CHST11: variants seen among roughly 807,000 people sequenced by gnomAD.
CHST11 encodes C4S-1.
A neutral mutation model predicts 30.4 loss-of-function variants in CHST11; 9 were observed. That is an observed-to-expected ratio of 0.30 (90% CI 0.18 to 0.52). The LOEUF is 0.52. CHST11 is among the 20% of genes least tolerant of loss of function. The probability of loss-of-function intolerance (pLI) is 0.97; values close to 1 mark genes in which losing one functional copy is unlikely to be tolerated. For synonymous variants in CHST11, 152 were observed against 187.8 expected (o/e 0.81, Z 1.56); for missense variants, 348 against 460.6 (o/e 0.76, Z 2.24).
intron 2 of CHST11, among the ~76,000 whole-genome samples, chr12:104,677,907 C>G (rs893032307): frequency 6.6e-6 from 1 of 152,242 alleles, no homozygotes; most frequent in African/African-American, 2.4e-5. Context: ...ACAGGTTCCA[C>G]CAAAGGACTT....
chr12:104,757,967 G>A lies in CHST11; in HGVS notation c.*164G>A. 1 of 763,950 alleles carries A rather than the reference G, an allele frequency of 1.3e-6. No individual in the cohort carries two copies. The highest frequency in any genetic ancestry group is 1.9e-5 in the South Asian group (1 of 51,744). The allele number at this position is 763,950 out of a possible 1,614,324, so 47.3% of individuals were successfully genotyped here. On this transcript the variant is annotated 3_prime_UTR_variant, in exon 3 of 3. Transcript: ENST00000303694. This position sits in a 1 kb window ranked among gnomAD's most constrained non-coding sequence, Gnocchi z 6.5. ...TTAAAATCCTTCGTAGGGAAGGACA[G>A]CTGTCTTTGCAGGGGAAATAGGATG...
rs143083008 is a variant in CHST11, at chr12:104,705,411, C to T, written c.205-51538C>T. ...AGGGGTCGCAGGTATGTAAAGGGCT[C>T]AGCACATCCCAGGCGCCTGGTAAAT... is the stretch of plus-strand genomic sequence containing the variant. On this transcript the variant is annotated intron_variant, in intron 2 of 2. Transcript: ENST00000303694. Among the ~76,000 whole-genome samples, 38 of 152,228 alleles carry T rather than the reference C, an allele frequency of 2.5e-4. No homozygotes were observed. In the East Asian group the frequency reaches 6.8e-3, roughly 27 times the overall value.
intron 1 of CHST11, among the ~76,000 whole-genome samples, chr12:104,483,453 G>T (rs528368928): frequency 6.6e-6 from 1 of 152,300 alleles, no homozygotes; most frequent in South Asian, 2.1e-4. Context: ...TGATCGGCCT[G>T]CCTCGGCCTC....
chr12:104,572,889 A>C (rs886809027), intron 1 of CHST11, among the ~76,000 whole-genome samples: 18 of 152,226 alleles, frequency 1.2e-4, no homozygotes, highest in African/African-American at 3.6e-4. Flanking sequence ...GAAGGAAATA[A>C]AGGGTATTCA....
At chr12:104,702,783 T>C (rs1408516543) in intron 2 of CHST11, among the ~76,000 whole-genome samples, 1 of 152,228 alleles carries the variant, frequency 6.6e-6, no homozygotes, top group Admixed American at 6.5e-5. Context: ...TGATGTTGGC[T>C]CAGACAGTAC....
At chr12:104,679,373 TGG>T (rs2039772280) in intron 2 of CHST11, among the ~76,000 whole-genome samples, 2 of 152,100 alleles carry the variant, frequency 1.3e-5, no homozygotes, top group Admixed American at 6.5e-5. Flanking sequence ...GTAAACCCGT[TGG>T]GAGGGTACCC....
intron 1 of CHST11, among the ~76,000 whole-genome samples, chr12:104,500,438 T>C (rs1363562676): frequency 1.3e-5 from 2 of 152,198 alleles, no homozygotes; most frequent in Non-Finnish European, 2.9e-5. Context: ...GAACCAAGGA[T>C]ACTAGAAATG....
chr12:104,522,230 G>A (rs748622815), intron 1 of CHST11, among the ~76,000 whole-genome samples: 13 of 152,142 alleles, frequency 8.5e-5, no homozygotes, highest in Non-Finnish European at 1.9e-4. Flanking sequence ...GGAAAGCCTA[G>A]AAATTCAAAC....
intron 2 of CHST11, among the ~76,000 whole-genome samples, chr12:104,673,174 C>T (rs1057275653): frequency 1.3e-5 from 2 of 152,132 alleles, no homozygotes; most frequent in African/African-American, 4.8e-5. Context: ...ATATTTAGGG[C>T]CTACCCACAC....
intron 1 of CHST11, among the ~76,000 whole-genome samples, chr12:104,493,957 G>A (rs974600155): frequency 1.3e-5 from 2 of 152,176 alleles, no homozygotes; most frequent in African/African-American, 4.8e-5. Context: ...CCAAGTAGCT[G>A]GGACTAAACA....
rs147976982 is a variant in CHST11 at position 104,701,673 on chromosome 12, T to C, written c.205-55276T>C. Among the ~76,000 whole-genome samples, 1,234 of 152,288 alleles carry C rather than the reference T, an allele frequency of 8.1e-3. 13 individuals are homozygous for C. The highest frequency in any genetic ancestry group is 0.024 in the African/African-American group (977 of 41,554). On this transcript the variant is annotated intron_variant, in intron 2 of 2. Transcript: ENST00000303694. ...TGCTCTATGACATTTTCAAAGACCA[T>C]TGGAGAAAAAGTATCTCTACCCCGG...
chr12:104,639,385 C>T (rs978229795), intron 2 of CHST11, among the ~76,000 whole-genome samples: 1 of 152,180 alleles, frequency 6.6e-6, no homozygotes, highest in African/African-American at 2.4e-5. Flanking sequence ...TGAATGGATA[C>T]ACAAAATATG....
intron 2 of CHST11, among the ~76,000 whole-genome samples, chr12:104,743,940 C>CTT (rs34713964): frequency 0.7 from 105,785 of 151,948 alleles, 37,404 homozygotes; most frequent in African/African-American, 0.81. Flanking sequence ...GACATGATCT[C>CTT]TCTTTTTTTA....
intron 2 of CHST11, among the ~76,000 whole-genome samples, chr12:104,721,499 G>T (rs1004071679): frequency 6.6e-6 from 1 of 152,186 alleles, no homozygotes; most frequent in African/African-American, 2.4e-5. Context: ...AATGCTAATG[G>T]TATTTCTATC....
chr12:104,706,444 G>C (rs996650878), intron 2 of CHST11, among the ~76,000 whole-genome samples: 1 of 136,104 alleles, frequency 7.3e-6, no homozygotes, highest in South Asian at 2.8e-4. Context: ...GTGGGTGGGT[G>C]GGTGAGTGGA....
chr12:104,723,388 C>G (rs552821919), intron 2 of CHST11, among the ~76,000 whole-genome samples: 2 of 152,358 alleles, frequency 1.3e-5, no homozygotes, highest in Admixed American at 1.3e-4. Flanking sequence ...GGCCGTGGGT[C>G]TGCCCCAGGC....
chr12:104,490,655 C>T (rs911286832), intron 1 of CHST11, among the ~76,000 whole-genome samples: 1 of 152,132 alleles, frequency 6.6e-6, no homozygotes, highest in African/African-American at 2.4e-5. Flanking sequence ...AGTCTTGAAC[C>T]TGCTGTTGCT....
At chr12:104,537,742 C>T (rs183042476) in intron 1 of CHST11, among the ~76,000 whole-genome samples, 1 of 134,356 alleles carries the variant, frequency 7.4e-6, no homozygotes, top group Non-Finnish European at 1.5e-5. Flanking sequence ...GTTCCCTAGG[C>T]TGGAGTGCAG....
At chr12:104,613,229 T>C (rs1041496245) in intron 2 of CHST11, among the ~76,000 whole-genome samples, 1 of 151,530 alleles carries the variant, frequency 6.6e-6, no homozygotes, top group African/African-American at 2.4e-5. Flanking sequence ...CAGAATCAAC[T>C]TACATGTCCA....
Sources: gnomAD v4.1 joint callset for allele counts (sites outside exome capture counted in the v4.1 genomes callset) on GRCh38, gnomAD v4.1.1 for gene constraint, Gnocchi (gnomAD v3.1) non-coding constraint, MANE v1.5 for transcripts, NCBI Gene and HGNC (gene_info 2026-07-23, HGNC 2026-07-21) for gene names.